Variants in MAML3 observed in about 807,000 individuals in gnomAD.
MAML3 encodes the protein mastermind-like protein 3.
MAML3 carries 27 observed loss-of-function variants against 101.9 expected under a neutral mutation model. The ratio of observed to expected loss-of-function variants is 0.27; its 90% CI spans 0.20 to 0.37. The LOEUF is 0.37. Among genes scored for constraint, MAML3 ranks in the 10% least tolerant of loss-of-function variants. The probability of loss-of-function intolerance (pLI) is 1.00; values close to 1 mark genes in which losing one functional copy is unlikely to be tolerated. For synonymous variants in MAML3, 501 were observed against 555.9 expected (o/e 0.90, Z 1.39); for missense variants, 1,316 against 1,444.9 (o/e 0.91, Z 1.45).
At chr4:139,881,176 C>G (rs144059326) in intron 2 of MAML3, among the ~76,000 whole-genome samples, 41 of 152,202 alleles carry the variant, frequency 2.7e-4, no homozygotes, top group African/African-American at 8.7e-4. Flanking sequence ...AATTAAGAAT[C>G]GGACCAGATA....
chr4:139,819,226 G>C (rs1730936840), intron 2 of MAML3, among the ~76,000 whole-genome samples: 1 of 152,154 alleles, frequency 6.6e-6, no homozygotes, highest in Admixed American at 6.5e-5. Context: ...AGCATTTCAG[G>C]CCAGTCCAGG....
At chr4:139,793,216 T>A (rs144729232) in intron 2 of MAML3, among the ~76,000 whole-genome samples, 37 of 152,166 alleles carry the variant, frequency 2.4e-4, no homozygotes, top group African/African-American at 7.9e-4. Flanking sequence ...AAATTTAGAG[T>A]TACAGGTTCA....
chr4:139,817,065 T>A (rs1730904469), intron 2 of MAML3, among the ~76,000 whole-genome samples: 1 of 152,222 alleles, frequency 6.6e-6, no homozygotes, highest in South Asian at 2.1e-4. Context: ...GAAACATACC[T>A]CTGCCATGAT....
intron 1 of MAML3, among the ~76,000 whole-genome samples, chr4:139,989,882 C>CACACACAGAG (rs1385720650): frequency 3.2e-5 from 2 of 63,130 alleles, no homozygotes; most frequent in African/African-American, 1.2e-4. Context: ...CACACACACA[C>CACACACAGAG]AGAGAGAGAG....
At chr4:140,082,169 T>TCCC (rs916249010) in intron 1 of MAML3, among the ~76,000 whole-genome samples, 12 of 152,326 alleles carry the variant, frequency 7.9e-5, no homozygotes, top group African/African-American at 2.4e-4. Flanking sequence ...TGCTGCGTTC[T>TCCC]CCCCTTGTGC....
chr4:140,071,755 TAGAGAG>T (rs11268401), intron 1 of MAML3, among the ~76,000 whole-genome samples: 1,656 of 137,328 alleles, frequency 0.012, 31 homozygotes, highest in African/African-American at 0.042. Flanking sequence ...GGACCAGGAT[TAGAGAG>T]AGAGAGAGAG....
chr4:139,766,496 G>T (rs906530165), intron 2 of MAML3, among the ~76,000 whole-genome samples: 19 of 152,146 alleles, frequency 1.2e-4, no homozygotes, highest in African/African-American at 4.6e-4. Flanking sequence ...TAAAGCTCTA[G>T]ATGCCAAGGT....
At chr4:140,078,887 C>G (rs755439065) in intron 1 of MAML3, among the ~76,000 whole-genome samples, 2 of 152,058 alleles carry the variant, frequency 1.3e-5, no homozygotes, top group African/African-American at 4.8e-5. Context: ...AACCACCAGG[C>G]CTTAGAGACC....
chr4:140,092,611 T>A (rs549249949), intron 1 of MAML3, among the ~76,000 whole-genome samples: 192 of 152,294 alleles, frequency 1.3e-3, no homozygotes, highest in Admixed American at 3.1e-3. Context: ...TCTCAGCCAA[T>A]TACTGCTGTC....
At chr4:139,997,836 C>CTTTTTCTT (rs1455019415) in intron 1 of MAML3, among the ~76,000 whole-genome samples, 2 of 151,742 alleles carry the variant, frequency 1.3e-5, no homozygotes, top group Non-Finnish European at 2.9e-5. Context: ...GTACAGAACT[C>CTTTTTCTT]TTAGCTGATA....
At chr4:139,851,316 A>G (rs967728153) in intron 2 of MAML3, among the ~76,000 whole-genome samples, 1 of 152,236 alleles carries the variant, frequency 6.6e-6, no homozygotes, top group African/African-American at 2.4e-5. Flanking sequence ...CATCACAGAT[A>G]TAACACGCCA....
At chr4:140,068,842 A>G (rs1042740917) in intron 1 of MAML3, among the ~76,000 whole-genome samples, 4 of 152,208 alleles carry the variant, frequency 2.6e-5, no homozygotes, top group African/African-American at 7.2e-5. Flanking sequence ...TCTAGTACAT[A>G]GTAAGCATTG....
chr4:139,833,446 A>G (rs1731204274), intron 2 of MAML3, among the ~76,000 whole-genome samples: 2 of 152,118 alleles, frequency 1.3e-5, no homozygotes, highest in South Asian at 2.1e-4. Flanking sequence ...AAATCTGTAC[A>G]TGTTCGATTT....
chr4:139,933,852 G>C (rs1733452641), intron 1 of MAML3, among the ~76,000 whole-genome samples: 1 of 152,186 alleles, frequency 6.6e-6, no homozygotes, highest in Non-Finnish European at 1.5e-5. Flanking sequence ...CAGGGAAGAG[G>C]CGTCCCAAAG....
intron 1 of MAML3, among the ~76,000 whole-genome samples, chr4:139,896,373 T>C (rs964222098): frequency 6.6e-6 from 1 of 152,200 alleles, no homozygotes; most frequent in African/African-American, 2.4e-5. Flanking sequence ...ACAGAAACTC[T>C]TTCCTGAGCA....
At chr4:139,882,426 T>C (rs1732237385) in intron 2 of MAML3, among the ~76,000 whole-genome samples, 1 of 149,620 alleles carries the variant, frequency 6.7e-6, no homozygotes, top group Non-Finnish European at 1.5e-5. Context: ...AGAAAAGTTA[T>C]CAGAGTGAAA....
At chr4:139,838,277 AT>A (rs796934958) in intron 2 of MAML3, among the ~76,000 whole-genome samples, 11 of 152,220 alleles carry the variant, frequency 7.2e-5, no homozygotes, top group African/African-American at 2.6e-4. Flanking sequence ...TCTACAGTTA[AT>A]TTTCGACCAG....
intron 1 of MAML3, among the ~76,000 whole-genome samples, chr4:139,911,871 G>A (rs1249479677): frequency 6.6e-6 from 1 of 152,198 alleles, no homozygotes; most frequent in Non-Finnish European, 1.5e-5. Flanking sequence ...ATAAGTTTCT[G>A]TTATTTATAA....
chr4:139,979,884 C>T (rs1734413353), intron 1 of MAML3, among the ~76,000 whole-genome samples: 1 of 152,170 alleles, frequency 6.6e-6, no homozygotes, highest in South Asian at 2.1e-4. Flanking sequence ...GTTACAGCAG[C>T]ACAAAATGGA....
Sources: gnomAD v4.1 joint callset for allele counts (sites outside exome capture counted in the v4.1 genomes callset) on GRCh38, gnomAD v4.1.1 for gene constraint, MANE v1.5 for transcripts, NCBI Gene and HGNC (gene_info 2026-07-23, HGNC 2026-07-21) for gene names.